C1QTNF3: variants seen among roughly 807,000 people sequenced by gnomAD.
The protein encoded by C1QTNF3 is C1q and TNF related 3.
Under a neutral mutation model 32.6 loss-of-function variants are expected in C1QTNF3, and 26 were observed. The observed-to-expected ratio is 0.80, with a 90% confidence interval of 0.58 to 1.11. The LOEUF (loss-of-function observed/expected upper bound fraction) is 1.11. Among genes scored for constraint, C1QTNF3 ranks in the 50% least tolerant of loss-of-function variants. C1QTNF3 has a pLI of 0.00. For synonymous variants in C1QTNF3, 155 were observed against 146.0 expected, an observed-to-expected ratio of 1.06 and a Z score of -0.44; for missense variants, 362 against 398.2, an observed-to-expected ratio of 0.91 and a Z score of 0.77.
the C1QTNF3 span, among the ~76,000 whole-genome samples, chr5:34,084,343 T>C: frequency 6.6e-6 from 1 of 151,842 alleles, no homozygotes; most frequent in Non-Finnish European, 1.5e-5. Flanking sequence ...AGTTTGTATA[T>C]TGAGACATTC....
At chr5:34,187,535 G>A in the C1QTNF3 span, among the ~76,000 whole-genome samples, 1 of 151,130 alleles carries the variant, frequency 6.6e-6, no homozygotes. Context: ...TGGTCTCAGA[G>A]GGAGATGAGG....
chr5:34,132,005 A>G, the C1QTNF3 span, among the ~76,000 whole-genome samples: 1 of 152,344 alleles, frequency 6.6e-6, no homozygotes, highest in South Asian at 2.1e-4. Context: ...ATAAATTTAC[A>G]TAGTTAAAAT....
chr5:34,165,592 G>C, the C1QTNF3 span: 1 of 151,834 alleles, frequency 6.6e-6, no homozygotes, highest in African/African-American at 2.4e-5. Flanking sequence ...GCCATCACTT[G>C]TAAAATTATT....
chr5:34,126,761 TAA>T, the C1QTNF3 span, among the ~76,000 whole-genome samples: 1 of 151,746 alleles, frequency 6.6e-6, no homozygotes, highest in Admixed American at 6.6e-5. Context: ...TATTCAGCAT[TAA>T]GAGAGGGAAA....
the C1QTNF3 span, among the ~76,000 whole-genome samples, chr5:34,208,996 T>C: frequency 1.3e-5 from 2 of 152,210 alleles, no homozygotes; most frequent in Admixed American, 6.5e-5. Flanking sequence ...CTGTAGGTAG[T>C]GGAGTGTGCT....
At position 34,017,960 on chromosome 5, in the gene C1QTNF3, A is replaced by G. The variant is rs1435453074; in HGVS notation, c.*2623T>C. On this transcript the variant is annotated 3_prime_UTR_variant, in exon 6 of 6. Coordinates refer to ENST00000382065, the MANE Select transcript of C1QTNF3 (RefSeq NM_181435.6). Reference sequence around the variant, plus strand: ...TTTCCAAAACAGGAAAGTTAAATAAATTATGCAGTCATTAAAATTATGTTT... The same window carrying G: ...TTTCCAAAACAGGAAAGTTAAATAAGTTATGCAGTCATTAAAATTATGTTT... Among the ~76,000 whole-genome samples the G allele has an allele frequency of 2.0e-5, 3 of 152,142 alleles. No individual in the cohort carries two copies. In the East Asian group the frequency reaches 5.8e-4, roughly 29 times the overall value.
chr5:34,214,481 T>C, the C1QTNF3 span, among the ~76,000 whole-genome samples: 1 of 151,264 alleles, frequency 6.6e-6, no homozygotes, highest in Admixed American at 6.6e-5. Flanking sequence ...TATTTTTAAA[T>C]ATAGTCTTTA....
chr5:34,030,126 CA>C, intron 3 of C1QTNF3, among the ~76,000 whole-genome samples: 1 of 152,134 alleles, frequency 6.6e-6, no homozygotes, highest in Non-Finnish European at 1.5e-5. Flanking sequence ...ATTAGAACAG[CA>C]AAAATTTCTC....
chr5:34,226,908 G>A, the C1QTNF3 span, among the ~76,000 whole-genome samples: 1 of 151,530 alleles, frequency 6.6e-6, no homozygotes. Flanking sequence ...GTGTTTACAA[G>A]ATGGATCCTT....
chr5:34,123,068 A>G, the C1QTNF3 span, among the ~76,000 whole-genome samples: 4 of 152,022 alleles, frequency 2.6e-5, no homozygotes, highest in Admixed American at 2.6e-4. Flanking sequence ...CACCCAGGAA[A>G]GCAGAGGGGA....
chr5:34,203,775 T>C, the C1QTNF3 span, among the ~76,000 whole-genome samples: 2 of 149,004 alleles, frequency 1.3e-5, no homozygotes, highest in Non-Finnish European at 3.0e-5. Flanking sequence ...TATAGACACA[T>C]ACAGACTGAA....
chr5:34,084,807 TTG>T, the C1QTNF3 span, among the ~76,000 whole-genome samples: 66 of 28,906 alleles, frequency 2.3e-3, 3 homozygotes, highest in East Asian at 7.1e-3. Context: ...TTTGTTTTTT[TTG>T]TTTTTTTTCT....
upstream of C1QTNF3, among the ~76,000 whole-genome samples, chr5:34,044,637 C>T (rs1754956085): frequency 6.6e-6 from 1 of 152,172 alleles, no homozygotes; most frequent in Admixed American, 6.5e-5. Flanking sequence ...CCAGAGTCCA[C>T]ACTTATACAT....
At chr5:34,143,536 C>T in the C1QTNF3 span, among the ~76,000 whole-genome samples, 5 of 152,092 alleles carry the variant, frequency 3.3e-5, no homozygotes, top group African/African-American at 4.8e-5. Context: ...AAAGAAGAGT[C>T]AGGTCATATA....
chr5:34,170,544 T>C, the C1QTNF3 span, among the ~76,000 whole-genome samples: 2 of 152,140 alleles, frequency 1.3e-5, no homozygotes, highest in African/African-American at 4.8e-5. Flanking sequence ...GGTGTTTGCA[T>C]ATGTTTAAAC....
chr5:34,124,482 T>C, the C1QTNF3 span: 1 of 715,728 alleles, frequency 1.4e-6, no homozygotes, highest in Non-Finnish European at 2.6e-6. Context: ...ACCAGGCCCG[T>C]CACGATGAGA....
chr5:34,158,952 A>C, the C1QTNF3 span, among the ~76,000 whole-genome samples: 1 of 152,088 alleles, frequency 6.6e-6, no homozygotes. Context: ...ATACTTACAC[A>C]CACAAACAAT....
At chr5:34,046,496 G>A (rs939725199), upstream of C1QTNF3, among the ~76,000 whole-genome samples, 4 of 152,182 alleles carry the variant, frequency 2.6e-5, no homozygotes, top group African/African-American at 7.2e-5. Flanking sequence ...GCAGGGATGA[G>A]GGTAATGCAT....
the C1QTNF3 span, among the ~76,000 whole-genome samples, chr5:34,154,453 A>C: frequency 6.6e-6 from 1 of 152,170 alleles, no homozygotes; most frequent in Admixed American, 6.5e-5. Flanking sequence ...CCTTGTCTCA[A>C]AATGCAAACT....
Sources: allele counts gnomAD v4.1 joint callset (sites outside exome capture counted in the v4.1 genomes callset), GRCh38; gene constraint gnomAD v4.1.1; transcripts MANE v1.5; gene names NCBI Gene and HGNC (gene_info 2026-07-23, HGNC 2026-07-21).